The following NXPE2 variants were observed in gnomAD, a reference collection of about 807,000 sequenced individuals.
The protein encoded by NXPE2 is NXPE family member 2.
NXPE2 carries 34 observed loss-of-function variants against 34.4 expected under a neutral mutation model. The ratio of observed to expected loss-of-function variants is 0.99; its 90% confidence interval spans 0.75 to 1.31. The LOEUF (loss-of-function observed/expected upper bound fraction) is 1.31. Ranked by LOEUF, NXPE2 falls within the 40% of genes most tolerant of loss-of-function variation. NXPE2 has a pLI of 0.00. For missense variants in NXPE2, 649 were observed against 672.5 expected, an observed-to-expected ratio of 0.97 and a Z score of 0.39; for synonymous variants, 235 against 231.3, an observed-to-expected ratio of 1.02 and a Z score of -0.15.
chr11:114,469,610 C>T, the NXPE2 span, among the ~76,000 whole-genome samples: 2 of 151,806 alleles, frequency 1.3e-5, no homozygotes, highest in Non-Finnish European at 2.9e-5. Flanking sequence ...TTGCCTCAGC[C>T]TCCTGAGTAG....
the NXPE2 span, among the ~76,000 whole-genome samples, chr11:114,535,027 G>A: frequency 6.6e-6 from 1 of 152,226 alleles, no homozygotes; most frequent in African/African-American, 2.4e-5. Flanking sequence ...AGGGCAGCCA[G>A]AGAGAAAGGT....
chr11:114,698,812 AAG>A (rs1422240231), intron 3 of NXPE2, 34 bp downstream of exon 3: 2 of 1,452,706 alleles, frequency 1.4e-6, no homozygotes, highest in Non-Finnish European at 1.8e-6. Context: ...AGCAGATAAA[AAG>A]AGGTATCCGA....
At chr11:114,759,107 C>T in the NXPE2 span, among the ~76,000 whole-genome samples, 1 of 151,944 alleles carries the variant, frequency 6.6e-6, no homozygotes, top group Non-Finnish European at 1.5e-5. Context: ...CACACACACA[C>T]TCTCTCTCTG....
In NXPE2 at chr11:114,698,486, C is replaced by T. The variant is rs1484624084; in HGVS notation, c.574C>T (p.Leu192=). The T allele has an allele frequency of 6.2e-7, 1 of 1,614,118 alleles. No individual in the cohort carries two copies. The highest frequency in any genetic ancestry group is 2.2e-5 in the East Asian group (1 of 44,886). The change falls in exon 3 of 6, where the codon CTG becomes TTG. Residue 192 remains leucine (L), a synonymous_variant. Coordinates refer to ENST00000389586, the MANE Select transcript of NXPE2 (RefSeq NM_182495.6). ...FWEGQVSLSL[L]LIHPSEGVSA... The stretch of plus-strand genomic sequence containing the variant: ...GGAGGGCCAGGTTTCCCTGTCTCTG[C>T]TGCTCATCCACCCCAGTGAAGGGGT...
chr11:114,491,551 G>A, the NXPE2 span, among the ~76,000 whole-genome samples: 31 of 152,274 alleles, frequency 2.0e-4, no homozygotes, highest in East Asian at 2.1e-3. Flanking sequence ...ACACTTTTAC[G>A]TTGTTGGTGG....
At position 114,684,198 on chromosome 11, in the gene NXPE2, C is replaced by T. The variant is rs576466133; in HGVS notation, c.132+4436C>T. Among the ~76,000 whole-genome samples, 15 of 152,114 alleles carry T rather than the reference C, an allele frequency of 9.9e-5. 1 individual carries two copies. In the South Asian group the frequency reaches 1.0e-3, roughly 11 times the overall value. On this transcript the variant is annotated intron_variant, in intron 2 of 5. Transcript: ENST00000389586. Reference sequence around the variant, plus strand: ...ATCCAAGCACTTTGGGAGGCCGAGGCGGGCAGATCACAAGGTCAGGAGATC... The same window carrying T: ...ATCCAAGCACTTTGGGAGGCCGAGGTGGGCAGATCACAAGGTCAGGAGATC...
At chr11:114,728,221 C>G in the NXPE2 span, among the ~76,000 whole-genome samples, 1 of 152,020 alleles carries the variant, frequency 6.6e-6, no homozygotes, top group Non-Finnish European at 1.5e-5. Flanking sequence ...ATTGGAGAAT[C>G]AAGAATAGTT....
chr11:114,532,879 A>G, the NXPE2 span, among the ~76,000 whole-genome samples: 1 of 152,246 alleles, frequency 6.6e-6, no homozygotes, highest in Non-Finnish European at 1.5e-5. Context: ...TTAATGGATT[A>G]AAGATAAAAT....
At chr11:114,486,814 G>A in the NXPE2 span, among the ~76,000 whole-genome samples, 1 of 152,048 alleles carries the variant, frequency 6.6e-6, no homozygotes, top group Non-Finnish European at 1.5e-5. Context: ...GTAGATGTAT[G>A]GATTTGTTTC....
chr11:114,695,634 T>C (rs1239396070), intron 2 of NXPE2, among the ~76,000 whole-genome samples: 1 of 152,034 alleles, frequency 6.6e-6, no homozygotes, highest in Non-Finnish European at 1.5e-5. Flanking sequence ...ATCATATCAA[T>C]AGAACACTAA....
the NXPE2 span, among the ~76,000 whole-genome samples, chr11:114,619,431 CTG>C: frequency 4.0e-5 from 6 of 151,714 alleles, no homozygotes; most frequent in African/African-American, 1.5e-4. Flanking sequence ...TGGGTAACCA[CTG>C]TTACCCGGTG....
At chr11:114,797,845 A>C in the NXPE2 span, among the ~76,000 whole-genome samples, 8 of 152,170 alleles carry the variant, frequency 5.3e-5, no homozygotes, top group Non-Finnish European at 1.2e-4. Context: ...CTTCATGTGA[A>C]GTTCTGAGGC....
At chr11:114,535,629 A>G in the NXPE2 span, among the ~76,000 whole-genome samples, 1 of 152,214 alleles carries the variant, frequency 6.6e-6, no homozygotes, top group African/African-American at 2.4e-5. Flanking sequence ...CAGGGATTGC[A>G]ATCCTAGTCT....
At position 114,706,986 on chromosome 11, in the gene NXPE2, G is replaced by C. The variant is rs1951491480; in HGVS notation, c.*56G>C. The C allele has an allele frequency of 7.4e-7, 1 of 1,354,008 alleles. No individual in the cohort carries two copies. The highest frequency in any genetic ancestry group is 9.9e-7 in the Non-Finnish European group (1 of 1,012,046). The allele number at this position is 1,354,008 out of a possible 1,614,324, so 83.9% of individuals were successfully genotyped here. A position where few individuals can be genotyped will look rare whatever the true frequency, so the allele number is the denominator to read the frequency against. On this transcript the variant is annotated 3_prime_UTR_variant, in exon 6 of 6. Transcript: ENST00000389586. The stretch of plus-strand genomic sequence containing the variant: ...TTCTATAGATGATCTCACATATACA[G>C]CGAAGATAGTTTAATGCAATCCAAG...
the NXPE2 span, among the ~76,000 whole-genome samples, chr11:114,660,430 T>G: frequency 3.3e-5 from 5 of 152,158 alleles, no homozygotes; most frequent in African/African-American, 1.2e-4. Flanking sequence ...GTGAGGCTTA[T>G]CTTGGTAATA....
chr11:114,664,678 G>A, the NXPE2 span, among the ~76,000 whole-genome samples: 5 of 152,276 alleles, frequency 3.3e-5, no homozygotes, highest in South Asian at 8.3e-4. Flanking sequence ...CTTATGAGTT[G>A]TTGACTCATA....
chr11:114,466,509 T>TC, the NXPE2 span, among the ~76,000 whole-genome samples: 1 of 152,198 alleles, frequency 6.6e-6, no homozygotes, highest in Non-Finnish European at 1.5e-5. Flanking sequence ...GGATTTTTTT[T>TC]CTGTTACATT....
the NXPE2 span, among the ~76,000 whole-genome samples, chr11:114,742,301 C>G: frequency 6.6e-6 from 1 of 152,172 alleles, no homozygotes; most frequent in African/African-American, 2.4e-5. Context: ...TGGGCCCAAG[C>G]AGCTCACAGA....
the NXPE2 span, among the ~76,000 whole-genome samples, chr11:114,596,947 C>A: frequency 6.6e-6 from 1 of 152,174 alleles, no homozygotes; most frequent in Non-Finnish European, 1.5e-5. Context: ...ATCTGATGAG[C>A]TTTGAAACAG....
Sources: allele counts gnomAD v4.1 joint callset (sites outside exome capture counted in the v4.1 genomes callset), GRCh38; gene constraint gnomAD v4.1.1; transcripts MANE v1.5; gene names NCBI Gene and HGNC (gene_info 2026-07-23, HGNC 2026-07-21).